ARSF: variants seen among roughly 807,000 people sequenced by gnomAD.
The protein encoded by ARSF is arylsulfatase F.
Under a neutral mutation model 35.4 loss-of-function variants are expected in ARSF, and 33 were observed. That is an observed-to-expected ratio of 0.93 (90% CI 0.71 to 1.25). ARSF has a LOEUF of 1.25. Among genes scored for constraint, ARSF ranks in the 50% most tolerant of loss-of-function variants. ARSF has a pLI of 0.00. For synonymous variants in ARSF, 222 were observed against 193.1 expected, an observed-to-expected ratio of 1.15 and a Z score of -1.24; for missense variants, 501 against 480.2, an observed-to-expected ratio of 1.04 and a Z score of -0.40.
rs113566554 is a variant in ARSF at position 3,084,148 on chromosome X, A to G, written c.407-95A>G. ...CTACTTTATTTTTGTGTATTAGCTG[A>G]TTGTTTCACGTGAAGAATGCTCACA... is the stretch of plus-strand genomic sequence containing the variant. On this transcript the variant is annotated intron_variant, in intron 5 of 10. Coordinates refer to ENST00000381127, the MANE Select transcript of ARSF (RefSeq NM_001201539.2). 43 of 998,384 alleles carry G rather than the reference A, an allele frequency of 4.3e-5. No homozygotes were observed. The African/African-American group carries it at 5.5e-4, about 13-fold the overall frequency. The allele number at this position is 998,384 out of a possible 1,213,427, so 82.3% of individuals were successfully genotyped here.
intron 3 of ARSF, among the ~76,000 whole-genome samples, chrX:3,075,648 C>A (rs2090141224): frequency 9.3e-6 from 1 of 108,105 alleles, no homozygotes; most frequent in African/African-American, 3.4e-5. Flanking sequence ...CTCCCTCTCT[C>A]TGTCCTTCTG....
At chrX:3,049,344 G>T (rs1308270994) in intron 1 of ARSF, among the ~76,000 whole-genome samples, 1 of 108,838 alleles carries the variant, frequency 9.2e-6, no homozygotes, top group Non-Finnish European at 1.9e-5. Context: ...AGGTTGGGGG[G>T]TGGGGGTGGT....
intron 4 of ARSF, 67 bp downstream of exon 4, chrX:3,076,736 G>T (rs2090155158): frequency 8.6e-7 from 1 of 1,164,023 alleles, no homozygotes; most frequent in Non-Finnish European, 1.2e-6. Context: ...CAAAAATGTG[G>T]CTTGACCACG....
intron 7 of ARSF, among the ~76,000 whole-genome samples, chrX:3,093,711 G>C (rs991053831): frequency 9.0e-6 from 1 of 111,611 alleles, no homozygotes; most frequent in Non-Finnish European, 1.9e-5. Flanking sequence ...AAGTGCCTGT[G>C]TCTATTTGGT....
At chrX:3,059,072 T>G (rs2090030979) in intron 1 of ARSF, among the ~76,000 whole-genome samples, 1 of 111,742 alleles carries the variant, frequency 8.9e-6, no homozygotes, top group African/African-American at 3.3e-5. Context: ...GCAGAGTCAC[T>G]TAACTAATTC....
chrX:3,099,392 A>T (rs2090360760), intron 7 of ARSF, among the ~76,000 whole-genome samples: 1 of 111,628 alleles, frequency 9.0e-6, no homozygotes, highest in African/African-American at 3.3e-5. Context: ...TTCTTGTTGT[A>T]TCTGTTTAAA....
In ARSF at chrX:3,052,037, A is replaced by C. The variant is rs189947850; in HGVS notation, c.-29+10374A>C. On this transcript the variant is annotated intron_variant, in intron 1 of 10. Coordinates refer to ENST00000381127, the MANE Select transcript of ARSF (RefSeq NM_001201539.2). Reference sequence around the variant, plus strand: ...AAAGAACAACAAAAAACAAAAAAAAACTTGTATTCTATTGTCTCCCATCAG... The same window carrying C: ...AAAGAACAACAAAAAACAAAAAAAACCTTGTATTCTATTGTCTCCCATCAG... Among the ~76,000 whole-genome samples, 291 of 111,336 alleles carry C rather than the reference A, an allele frequency of 2.6e-3. 5 individuals are homozygous for C. The highest frequency in any genetic ancestry group is 8.7e-3 in the African/African-American group (266 of 30,685).
At chrX:3,071,069 T>C (rs189181754) in intron 2 of ARSF, among the ~76,000 whole-genome samples, 2 of 110,289 alleles carry the variant, frequency 1.8e-5, no homozygotes, top group Admixed American at 9.8e-5. Flanking sequence ...TCTATAGATA[T>C]CAAGAGTGTC....
chrX:3,068,995 G>A (rs1432053408), intron 2 of ARSF, among the ~76,000 whole-genome samples: 1 of 112,199 alleles, frequency 8.9e-6, no homozygotes, highest in Non-Finnish European at 1.9e-5. Flanking sequence ...TTTTCTCTCA[G>A]AGGAGATATT....
chrX:3,070,115 G>T (rs1051397682), intron 2 of ARSF, among the ~76,000 whole-genome samples: 1 of 111,429 alleles, frequency 9.0e-6, no homozygotes, highest in African/African-American at 3.3e-5. Context: ...TCAACTTTTT[G>T]AGATTTCACA....
chrX:3,073,965 T>C (rs957670653), intron 3 of ARSF, among the ~76,000 whole-genome samples: 1 of 109,845 alleles, frequency 9.1e-6, no homozygotes, highest in African/African-American at 3.3e-5. Context: ...TAGCCATTCT[T>C]ATACTGAGCT....
intron 1 of ARSF, among the ~76,000 whole-genome samples, chrX:3,049,211 T>C (rs150858714): frequency 0.023 from 2,600 of 112,157 alleles, 74 homozygotes; most frequent in African/African-American, 0.078. Flanking sequence ...AAGACGTACA[T>C]TGTTTCCATT....
At chrX:3,060,841 G>C (rs1309213988) in intron 1 of ARSF, among the ~76,000 whole-genome samples, 2 of 111,909 alleles carry the variant, frequency 1.8e-5, no homozygotes, top group Non-Finnish European at 3.8e-5. Context: ...CATCTGATTG[G>C]TGTACCTGAA....
At chrX:3,101,723 A>G (rs925208133) in intron 8 of ARSF, among the ~76,000 whole-genome samples, 2 of 111,841 alleles carry the variant, frequency 1.8e-5, no homozygotes, top group East Asian at 2.8e-4. Context: ...TACTGATTTT[A>G]TGTCCTGCTG....
chrX:3,050,175 G>A (rs1399378206), intron 1 of ARSF, among the ~76,000 whole-genome samples: 1 of 111,821 alleles, frequency 8.9e-6, no homozygotes, highest in Non-Finnish European at 1.9e-5. Context: ...TGGGCCACAG[G>A]GAGCCCCAAC....
intron 7 of ARSF, among the ~76,000 whole-genome samples, chrX:3,093,752 C>A (rs776241628): frequency 9.0e-6 from 1 of 111,282 alleles, no homozygotes; most frequent in Non-Finnish European, 1.9e-5. Flanking sequence ...GGGTAGACAC[C>A]CAGTAATGGC....
At chrX:3,051,024 G>A (rs894653083) in intron 1 of ARSF, among the ~76,000 whole-genome samples, 15 of 111,395 alleles carry the variant, frequency 1.3e-4, no homozygotes, top group Non-Finnish European at 2.1e-4. Context: ...ATTTTAGAGA[G>A]ACAGTTTAAT....
chrX:3,054,446 T>A (rs751788175), intron 1 of ARSF, among the ~76,000 whole-genome samples: 1 of 109,586 alleles, frequency 9.1e-6, no homozygotes, highest in South Asian at 3.9e-4. Context: ...CCTCCTCAAT[T>A]ATTATTATTA....
intron 1 of ARSF, among the ~76,000 whole-genome samples, chrX:3,046,841 CTA>C (rs977026418): frequency 9.0e-6 from 1 of 111,134 alleles, no homozygotes; most frequent in Non-Finnish European, 1.9e-5. Flanking sequence ...AACCAAGTAA[CTA>C]TTAAACCCAG....
Sources: gnomAD v4.1 joint callset for allele counts (sites outside exome capture counted in the v4.1 genomes callset) on GRCh38, gnomAD v4.1.1 for gene constraint, MANE v1.5 for transcripts, NCBI Gene and HGNC (gene_info 2026-07-23, HGNC 2026-07-21) for gene names.